Variants in NELL2 observed in about 807,000 individuals in gnomAD.
NELL2 encodes the protein neural EGFL like 2, also known as protein kinase C-binding protein NELL2.
NELL2 carries 41 observed loss-of-function variants against 109.6 expected under a neutral mutation model. The ratio of observed to expected loss-of-function variants is 0.37; its 90% CI spans 0.29 to 0.49. NELL2 has a LOEUF of 0.49. Among genes scored for constraint, NELL2 ranks in the 20% least tolerant of loss-of-function variants. NELL2 has a pLI of 0.98. For synonymous variants in NELL2, 355 were observed against 344.7 expected (o/e 1.03, Z -0.33); for missense variants, 900 against 1,008.3 (o/e 0.89, Z 1.45).
chr12:44,588,682 T>C (rs536474036), intron 15 of NELL2, among the ~76,000 whole-genome samples: 12 of 152,362 alleles, frequency 7.9e-5, no homozygotes, highest in African/African-American at 2.4e-4. Context: ...CTTTTTATTA[T>C]GGTAAAATGT....
intron 13 of NELL2, among the ~76,000 whole-genome samples, chr12:44,620,115 G>C (rs922938101): frequency 7.2e-6 from 1 of 138,304 alleles, no homozygotes; most frequent in Non-Finnish European, 1.5e-5. Flanking sequence ...TGTTCGCCTG[G>C]GTTTTGTTTT....
intron 1 of NELL2, among the ~76,000 whole-genome samples, chr12:44,908,129 G>A (rs568218038): frequency 1.2e-4 from 19 of 152,088 alleles, no homozygotes; most frequent in African/African-American, 3.9e-4. Context: ...AATGTGTGTG[G>A]CATGGAGAAA....
At chr12:44,619,304 G>T (rs906206536) in intron 13 of NELL2, among the ~76,000 whole-genome samples, 1 of 152,106 alleles carries the variant, frequency 6.6e-6, no homozygotes, top group Admixed American at 6.5e-5. Context: ...ATTACTGGAC[G>T]CTAAACAGTA....
At chr12:44,743,562 G>A (rs972831741) in intron 9 of NELL2, among the ~76,000 whole-genome samples, 3 of 152,150 alleles carry the variant, frequency 2.0e-5, no homozygotes, top group African/African-American at 4.8e-5. Context: ...CCCATCTCAC[G>A]TGCAGAGACA....
chr12:44,871,542 C>T (rs987564813), intron 2 of NELL2, among the ~76,000 whole-genome samples: 2 of 152,124 alleles, frequency 1.3e-5, no homozygotes, highest in Non-Finnish European at 2.9e-5. Flanking sequence ...GAAATTCCAC[C>T]TCAGTCTATC....
At chr12:44,788,931 A>G (rs971276968) in intron 3 of NELL2, among the ~76,000 whole-genome samples, 1 of 151,972 alleles carries the variant, frequency 6.6e-6, no homozygotes, top group Non-Finnish European at 1.5e-5. Flanking sequence ...CAGCAGAGGC[A>G]GCCATAATCC....
chr12:44,816,223 A>T (rs1592590400), intron 2 of NELL2, 87 bp from the exon 3 acceptor site: 1 of 1,166,884 alleles, frequency 8.6e-7, no homozygotes, highest in East Asian at 2.5e-5. Flanking sequence ...AAAAAACTTT[A>T]TCAAGTTTAT....
chr12:44,708,125 T>C (rs181493697), intron 11 of NELL2, among the ~76,000 whole-genome samples: 1 of 152,340 alleles, frequency 6.6e-6, no homozygotes. Flanking sequence ...TTTATCTTTC[T>C]AAATCAGAAT....
At chr12:44,855,744 T>A (rs1293945817) in intron 2 of NELL2, among the ~76,000 whole-genome samples, 1 of 152,190 alleles carries the variant, frequency 6.6e-6, no homozygotes, top group Non-Finnish European at 1.5e-5. Context: ...AAATTTAAAC[T>A]CTCATCATCA....
intron 15 of NELL2, among the ~76,000 whole-genome samples, chr12:44,596,356 G>T (rs1200976792): frequency 6.6e-6 from 1 of 152,154 alleles, no homozygotes; most frequent in Non-Finnish European, 1.5e-5. Flanking sequence ...ATTTTAATAT[G>T]ACAGTCCTAG....
At chr12:44,896,145 T>C (rs148630571) in intron 1 of NELL2, among the ~76,000 whole-genome samples, 91 of 152,248 alleles carry the variant, frequency 6.0e-4, no homozygotes, top group African/African-American at 2.1e-3. Context: ...TGTGGCTAAA[T>C]TAGAAAGCAA....
intron 3 of NELL2, among the ~76,000 whole-genome samples, chr12:44,792,558 A>G (rs569521835): frequency 6.6e-6 from 1 of 152,286 alleles, no homozygotes; most frequent in South Asian, 2.1e-4. Context: ...ATAAACAACC[A>G]ATGACATTCT....
chr12:44,821,173 G>T (rs928057620), intron 2 of NELL2, among the ~76,000 whole-genome samples: 1 of 151,632 alleles, frequency 6.6e-6, no homozygotes, highest in African/African-American at 2.4e-5. Flanking sequence ...GTTCCATTTT[G>T]TTCTCACAAA....
intron 15 of NELL2, among the ~76,000 whole-genome samples, chr12:44,546,819 T>G (rs774953405): frequency 6.6e-5 from 10 of 152,216 alleles, no homozygotes; most frequent in Non-Finnish European, 1.0e-4. Context: ...AGACTCAGCT[T>G]AATTGTGTAC....
At chr12:44,521,617 C>T (rs1941545773) in intron 18 of NELL2, among the ~76,000 whole-genome samples, 1 of 150,458 alleles carries the variant, frequency 6.6e-6, no homozygotes, top group Non-Finnish European at 1.5e-5. Context: ...AATGGGTTAA[C>T]AAAAGTTCTA....
chr12:44,774,689 T>C, intron 9 of NELL2, 58 bp downstream of exon 9: 1 of 1,378,996 alleles, frequency 7.3e-7, no homozygotes, highest in Non-Finnish European at 1.0e-6. Flanking sequence ...GGTGAATACT[T>C]ATTAATACAG....
chr12:44,659,600 G>T (rs1947664708), intron 13 of NELL2, among the ~76,000 whole-genome samples: 1 of 152,088 alleles, frequency 6.6e-6, no homozygotes, highest in Non-Finnish European at 1.5e-5. Flanking sequence ...ATGAAAAAAA[G>T]CTCATCATCT....
At position 44,681,091 on chromosome 12, in the gene NELL2, G is replaced by A. The variant is rs147441679; in HGVS notation, c.1319-15482C>T. 2.5e-4 allele frequency among the ~76,000 whole-genome samples: 38 copies of A among 150,876 alleles called. 1 individual carries two copies. In the East Asian group the frequency reaches 6.0e-3, roughly 24 times the overall value. ...ATTGTCGTAAACTTTTCTTTTAGAT[G>A]AGATAAGAAATTTCTTTTATTGTCT... On this transcript the variant is annotated intron_variant, in intron 12 of 19. Coordinates refer to ENST00000429094, the MANE Select transcript of NELL2 (RefSeq NM_001145108.2).
chr12:44,687,995 C>T (rs1450556), intron 12 of NELL2, among the ~76,000 whole-genome samples: 1 of 152,032 alleles, frequency 6.6e-6, no homozygotes, highest in Non-Finnish European at 1.5e-5. Flanking sequence ...TAAGCAATTT[C>T]TCTCTAATAT....
Sources: allele counts gnomAD v4.1 joint callset (sites outside exome capture counted in the v4.1 genomes callset), GRCh38; gene constraint gnomAD v4.1.1; transcripts MANE v1.5; gene names NCBI Gene and HGNC (gene_info 2026-07-23, HGNC 2026-07-21).